PRTG: variants seen among roughly 807,000 people sequenced by gnomAD.
The protein encoded by PRTG is protogenin, also known as immunoglobulin superfamily, DCC subclass, member 5.
In PRTG, 67 loss-of-function variants were observed where a neutral mutation model predicts 122.5. That is an observed-to-expected ratio of 0.55 (90% CI 0.45 to 0.67). The LOEUF (loss-of-function observed/expected upper bound fraction) is 0.67, where lower values mean the gene tolerates loss of function less well. Among genes scored for constraint, PRTG ranks in the 30% least tolerant of loss-of-function variants. The probability of loss-of-function intolerance (pLI) is 0.00; values close to 1 mark genes in which losing one functional copy is unlikely to be tolerated. For synonymous variants in PRTG, 554 were observed against 501.1 expected (o/e 1.11, Z -1.41); for missense variants, 1,435 against 1,415.4 (o/e 1.01, Z -0.22).
At chr15:55,723,238 CA>C (rs1463044949) in intron 2 of PRTG, among the ~76,000 whole-genome samples, 1 of 151,796 alleles carries the variant, frequency 6.6e-6, no homozygotes, top group Non-Finnish European at 1.5e-5. Flanking sequence ...CAATCTGCCA[CA>C]AGGGAAAATG....
intron 2 of PRTG, among the ~76,000 whole-genome samples, chr15:55,688,295 G>C (rs757342504): frequency 1.3e-5 from 2 of 151,972 alleles, no homozygotes; most frequent in Non-Finnish European, 2.9e-5. Context: ...TATTGCTGTG[G>C]CTCCTCCTTC....
chr15:55,680,196 A>T lies in PRTG; in HGVS notation c.831T>A (p.Asp277Glu), dbSNP rs752947504. The T allele has an allele frequency of 6.2e-7, 1 of 1,609,712 alleles. No homozygotes were observed. Among genetic ancestry groups the T allele is most frequent in the African/African-American group, 1.3e-5 (1 of 74,820 alleles). ...TTCCAAGTACCCGAGTATTAAAGAC[A>T]TCAATGGATTTGTGATCTATTTCAA... ...SWSRLDHKSI[D>E]VFNTRVLGNG... is the part of the protein sequence containing the mutation. The change falls in exon 6 of 20, where the codon GAT becomes GAA. Residue 277 changes from aspartate (D) to glutamate (E), a missense_variant. Transcript: ENST00000389286.
At chr15:55,638,506 A>G in intron 14 of PRTG, 43 bp downstream of exon 14, 1 of 1,487,946 alleles carries the variant, frequency 6.7e-7, no homozygotes, top group Non-Finnish European at 9.1e-7. Context: ...CATTTCCTTA[A>G]TTTTTTTTAA....
At chr15:55,724,826 G>A (rs980458816) in intron 2 of PRTG, among the ~76,000 whole-genome samples, 3 of 152,144 alleles carry the variant, frequency 2.0e-5, no homozygotes, top group African/African-American at 7.2e-5. Context: ...TAGCAAAACT[G>A]TCCTTCAGAG....
At chr15:55,620,310 C>T in intron 19 of PRTG, 44 bp from the exon 20 acceptor site, 5 of 1,594,634 alleles carry the variant, frequency 3.1e-6, no homozygotes, top group Non-Finnish European at 3.4e-6. Context: ...CCAGACTGAT[C>T]GAATCCACGA....
intron 11 of PRTG, among the ~76,000 whole-genome samples, chr15:55,649,733 A>G (rs904718075): frequency 6.6e-6 from 1 of 152,142 alleles, no homozygotes; most frequent in African/African-American, 2.4e-5. Context: ...TGGAAGTTGA[A>G]GTGAGCTGAG....
chr15:55,639,682 C>T lies in PRTG; in HGVS notation c.2284G>A (p.Val762Ile). The T allele has an allele frequency of 6.2e-7, 1 of 1,614,058 alleles. No individual in the cohort carries two copies. The highest frequency in any genetic ancestry group is 8.5e-7 in the Non-Finnish European group (1 of 1,180,024). The part of the protein sequence containing the change: ...IINYTIRCNP[V>I]GLQNASLVLY... ...ACCAAAGAAGCATTCTGCAGGCCAA[C>T]AGGATTACAGCGGATGGTGTAGTTA... The change falls in exon 13 of 20, where the codon GTT becomes ATT. Residue 762 changes from valine (V) to isoleucine (I), a missense_variant. By Grantham distance (29) the Val-to-Ile change is conservative. Coordinates refer to ENST00000389286, the MANE Select transcript of PRTG (RefSeq NM_173814.6).
chr15:55,701,487 T>C (rs2059663398), intron 2 of PRTG, among the ~76,000 whole-genome samples: 1 of 152,074 alleles, frequency 6.6e-6, no homozygotes, highest in African/African-American at 2.4e-5. Flanking sequence ...TGAGCCGAGA[T>C]CACGCCACTG....
intron 8 of PRTG, among the ~76,000 whole-genome samples, 182 bp downstream of exon 8, chr15:55,677,615 A>G (rs1433490041): frequency 6.6e-6 from 1 of 152,254 alleles, no homozygotes; most frequent in Non-Finnish European, 1.5e-5. Context: ...TACATATACA[A>G]AGTACACAAC....
chr15:55,666,795 C>T (rs2059441602), intron 11 of PRTG, among the ~76,000 whole-genome samples: 1 of 152,126 alleles, frequency 6.6e-6, no homozygotes, highest in South Asian at 2.1e-4. Flanking sequence ...ATGCAGTTTT[C>T]CCAGGCACTA....
At chr15:55,704,083 G>A (rs1306470632) in intron 2 of PRTG, among the ~76,000 whole-genome samples, 1 of 151,996 alleles carries the variant, frequency 6.6e-6, no homozygotes, top group African/African-American at 2.4e-5. Flanking sequence ...AATTCAAGGG[G>A]GAAAAAAAAG....
At chr15:55,654,076 T>C (rs1339208604) in intron 11 of PRTG, among the ~76,000 whole-genome samples, 1 of 152,152 alleles carries the variant, frequency 6.6e-6, no homozygotes, top group Non-Finnish European at 1.5e-5. Context: ...AATACGAAAG[T>C]GAGATTGGAA....
Position 55,680,588 on chromosome 15 carries a change from T to C in PRTG, c.717A>G (p.Ala239=), listed in dbSNP as rs749497393. ...SKSFHTPTII[A]GPQNITTSLH... ...GAGATGTTGTTATGTTCTGTGGACC[T>C]GCTATAATTGTTGGTGTGTGGAAGG... Residue 239 remains alanine, a synonymous_variant, in exon 5 of 20, where the codon GCA becomes GCG. Transcript: ENST00000389286. 1 of 1,577,568 alleles carries C rather than the reference T, an allele frequency of 6.3e-7. No individual in the cohort carries two copies. Among genetic ancestry groups the C allele is most frequent in the South Asian group, 1.2e-5 (1 of 81,876 alleles).
chr15:55,638,678 TATA>T lies in PRTG; in HGVS notation c.2325-5_2325-3del. 1 of 1,610,028 alleles carries T rather than the reference TATA, an allele frequency of 6.2e-7. No homozygotes were observed. Among genetic ancestry groups the T allele is most frequent in the Non-Finnish European group, 8.5e-7 (1 of 1,178,610 alleles). ...TGAACCAACATGTGAGTTTCTGATC[TATA>T]ATAACGAGTGATGAAGTTGTTAATG... On this transcript the variant is annotated splice_region_variant and splice_polypyrimidine_tract_variant and intron_variant, in intron 13 of 19. Transcript: ENST00000389286.
intron 2 of PRTG, among the ~76,000 whole-genome samples, chr15:55,725,969 G>C (rs1370008766): frequency 6.6e-6 from 1 of 151,834 alleles, no homozygotes; most frequent in East Asian, 1.9e-4. Flanking sequence ...TTTTGAGACA[G>C]AGTCTCACTC....
In PRTG at chr15:55,673,561, CA is replaced by C; in HGVS notation, c.1661del (p.Leu554CysfsTer5). The C allele has an allele frequency of 6.2e-7, 1 of 1,614,154 alleles. No individual in the cohort carries two copies. The highest frequency in any genetic ancestry group is 1.1e-5 in the South Asian group (1 of 91,088). The stretch of plus-strand genomic sequence containing the variant: ...AATTCTCAGTACTTAGGCGGAAAGA[CA>C]AGCGATACAGCACCACTTGGCCCCG... ...YRRGQVVLYR[L>X]SFRLSTENSI... On this transcript the variant is annotated frameshift_variant, in exon 10 of 20. Transcript: ENST00000389286. LOFTEE classifies it high-confidence loss of function.
In PRTG at chr15:55,626,986, A is replaced by G. The variant is rs749803831; in HGVS notation, c.2927+22T>C. The stretch of plus-strand genomic sequence containing the variant: ...TAATTTAAATGTTTTTCACCTCAAC[A>G]TCTCTAGCAATGGAAACACACCTGG... On this transcript the variant is annotated intron_variant, in intron 17 of 19. Transcript: ENST00000389286. 6 of 1,584,906 alleles carry G rather than the reference A, an allele frequency of 3.8e-6. No homozygotes were observed. The African/African-American group carries it at 5.5e-5, about 14-fold the overall frequency.
At chr15:55,628,679 A>G (rs564234197) in intron 16 of PRTG, 143 bp downstream of exon 16, 19 of 616,422 alleles carry the variant, frequency 3.1e-5, no homozygotes, top group East Asian at 1.3e-4. Flanking sequence ...ATGCAACTCT[A>G]TAACATCAGA....
At chr15:55,693,776 C>A (rs1473324427) in intron 2 of PRTG, among the ~76,000 whole-genome samples, 2 of 151,974 alleles carry the variant, frequency 1.3e-5, no homozygotes, top group Admixed American at 6.6e-5. Flanking sequence ...ATATGTGTAC[C>A]CAGGCACTGC....
Sources: allele counts gnomAD v4.1 joint callset (sites outside exome capture counted in the v4.1 genomes callset), GRCh38; gene constraint gnomAD v4.1.1; transcripts MANE v1.5; gene names NCBI Gene and HGNC (gene_info 2026-07-23, HGNC 2026-07-21).